The following PRKN variants were observed in gnomAD, a reference collection of about 807,000 sequenced individuals.
PRKN encodes the protein parkin RBR E3 ubiquitin protein ligase.
PRKN carries 56 observed loss-of-function variants against 59.5 expected under a neutral mutation model. That is an observed-to-expected ratio of 0.94 (90% confidence interval 0.76 to 1.18). The LOEUF (loss-of-function observed/expected upper bound fraction) is 1.18. PRKN is among the 50% of genes most tolerant of loss of function. The probability of loss-of-function intolerance (pLI) is 0.00; values close to 1 mark genes in which losing one functional copy is unlikely to be tolerated. For missense variants in PRKN, 657 were observed against 596.4 expected, an observed-to-expected ratio of 1.10 and a Z score of -1.06; for synonymous variants, 250 against 222.1, an observed-to-expected ratio of 1.13 and a Z score of -1.12.
Position 161,417,414 on chromosome 6 carries a change from C to T in PRKN, c.1084-30537G>A, listed in dbSNP as rs1263992901. 6.7e-6 allele frequency among the ~76,000 whole-genome samples: 1 copy of T among 148,258 alleles called. No homozygotes were observed. Among genetic ancestry groups the T allele is most frequent in the Non-Finnish European group, 1.5e-5 (1 of 67,572 alleles). ...GCAGTGAGCAGAGATGGCGTCACTG[C>T]ACTCCAGCCTGGCAACAGAGCCAGA... On this transcript the variant is annotated intron_variant, in intron 9 of 11. Transcript: ENST00000366898. The surrounding 1 kb of genome is among the most constrained non-coding windows in gnomAD (Gnocchi z 5.4).
At chr6:162,296,953 G>C (rs1003260632) in intron 2 of PRKN, among the ~76,000 whole-genome samples, 1 of 151,874 alleles carries the variant, frequency 6.6e-6, no homozygotes, top group African/African-American at 2.4e-5. Flanking sequence ...ACATCTCCAG[G>C]CCTCTCATAT....
intron 6 of PRKN, among the ~76,000 whole-genome samples, chr6:161,969,264 A>C (rs199591871): frequency 7.7e-6 from 1 of 129,384 alleles, no homozygotes; most frequent in Non-Finnish European, 1.7e-5. Context: ...TTTCAGTCTT[A>C]TTTGTTTTTT....
intron 6 of PRKN, among the ~76,000 whole-genome samples, chr6:161,925,155 A>G (rs934802675): frequency 6.6e-6 from 1 of 152,198 alleles, no homozygotes; most frequent in African/African-American, 2.4e-5. Flanking sequence ...TATAAAGATT[A>G]TGCATACAAA....
chr6:161,987,855 A>G lies in PRKN; in HGVS notation c.619-14438T>C, dbSNP rs140600735. 7.2e-3 allele frequency among the ~76,000 whole-genome samples: 1,093 copies of G among 152,284 alleles called. 10 individuals carry two copies. Among genetic ancestry groups the G allele is most frequent in the African/African-American group, 0.023 (975 of 41,552 alleles). On this transcript the variant is annotated intron_variant, in intron 5 of 11. Coordinates refer to ENST00000366898, the MANE Select transcript of PRKN (RefSeq NM_004562.3). The stretch of plus-strand genomic sequence containing the variant: ...TTTATCTCTCCTCTATTTTTTGAGA[A>G]ATGTATGCTGTGTTGGAGAGGCAAA...
chr6:161,975,255 T>A (rs1583428233), intron 5 of PRKN, among the ~76,000 whole-genome samples: 1 of 151,940 alleles, frequency 6.6e-6, no homozygotes, highest in East Asian at 1.9e-4. Flanking sequence ...CTGGCCAATT[T>A]TTCGTATTAG....
Position 162,641,709 on chromosome 6 carries a change from G to A in PRKN, c.7+85953C>T, listed in dbSNP as rs927404482. Among the ~76,000 whole-genome samples the A allele has an allele frequency of 2.5e-4, 38 of 152,216 alleles. 1 individual carries two copies. The highest frequency in any genetic ancestry group is 2.0e-3 in the Admixed American group (30 of 15,286). On this transcript the variant is annotated intron_variant, in intron 1 of 11. Transcript: ENST00000366898. ...AGAATGATCTTTTGTCACTCCATCC[G>A]CCCTCTGTTAACTCTAAGGCCAATT...
At chr6:162,531,902 T>C (rs947344363) in intron 1 of PRKN, among the ~76,000 whole-genome samples, 2 of 145,434 alleles carry the variant, frequency 1.4e-5, no homozygotes, top group African/African-American at 5.2e-5. Context: ...ATTGTGCCAC[T>C]GCACTCCAGT....
In PRKN at chr6:161,386,862, C is replaced by A; in HGVS notation, c.1099G>T (p.Glu367Ter). ...GLGCGFAFCRECKEAYHEGEC... is the reference protein window; with the variant it reads ...GLGCGFAFCR Reference sequence around the variant, plus strand: ...CCTTCATGGTACGCTTCTTTACATTCCCGGCAGAAGGCAAACTGCAAAAGA... The same window carrying A: ...CCTTCATGGTACGCTTCTTTACATTACCGGCAGAAGGCAAACTGCAAAAGA... The change falls in exon 10 of 12, where the codon GAA (glutamate) becomes TAA (stop). Residue 367 changes from glutamate (E) to a stop codon, truncating the protein, a stop_gained. Coordinates refer to ENST00000366898, the MANE Select transcript of PRKN (RefSeq NM_004562.3). LOFTEE classifies it high-confidence loss of function. This position sits in a 1 kb window ranked among gnomAD's most constrained non-coding sequence, Gnocchi z 4.3. 6.2e-7 allele frequency: 1 copy of A among 1,614,068 alleles called. No individual in the cohort carries two copies. Among genetic ancestry groups the A allele is most frequent in the Non-Finnish European group, 8.5e-7 (1 of 1,179,944 alleles).
In PRKN at chr6:161,480,329, G is replaced by A. The variant is rs2115236374; in HGVS notation, c.1083+68525C>T. On this transcript the variant is annotated intron_variant, in intron 9 of 11. Coordinates refer to ENST00000366898, the MANE Select transcript of PRKN (RefSeq NM_004562.3). This position sits in a 1 kb window ranked among gnomAD's most constrained non-coding sequence, Gnocchi z 4.1. ...GAGTATGGGGCCCTGTGAGTATGGG[G>A]CCCTGTGAGTATGGGGCCCTGTGTG... 6.6e-6 allele frequency among the ~76,000 whole-genome samples: 1 copy of A among 152,196 alleles called. No individual in the cohort carries two copies. Among genetic ancestry groups the A allele is most frequent in the South Asian group, 2.1e-4 (1 of 4,816 alleles).
intron 1 of PRKN, among the ~76,000 whole-genome samples, chr6:162,615,498 C>G (rs1489650323): frequency 6.6e-6 from 1 of 151,974 alleles, no homozygotes; most frequent in Non-Finnish European, 1.5e-5. Context: ...GGCAGGCACT[C>G]ACAGATGCAG....
intron 7 of PRKN, among the ~76,000 whole-genome samples, chr6:161,772,565 A>G (rs1789741082): frequency 6.6e-6 from 1 of 152,200 alleles, no homozygotes; most frequent in African/African-American, 2.4e-5. Context: ...GATGGAGGAT[A>G]TTTAACACAG....
chr6:161,582,324 A>G lies in PRKN; in HGVS notation c.872-12908T>C, dbSNP rs950998258. ...TACCTTGAAACAATTTAGAGTCTCT[A>G]AAGTTGAAAGTTCTTCTTTGAAGAT... On this transcript the variant is annotated intron_variant, in intron 7 of 11. Coordinates refer to ENST00000366898, the MANE Select transcript of PRKN (RefSeq NM_004562.3). This position sits in a 1 kb window ranked among gnomAD's most constrained non-coding sequence, Gnocchi z 4.4. Among the ~76,000 whole-genome samples the G allele has an allele frequency of 3.9e-5, 6 of 152,284 alleles. No homozygotes were observed. In the East Asian group the frequency reaches 7.7e-4, roughly 20 times the overall value.
In PRKN at chr6:161,731,828, C is replaced by T. The variant is rs528022388; in HGVS notation, c.871+53944G>A. The stretch of plus-strand genomic sequence containing the variant: ...TAACATGGAAGACAAATTGTGAGCA[C>T]AACTGCATTGTGAATATACACACAC... On this transcript the variant is annotated intron_variant, in intron 7 of 11. Transcript: ENST00000366898. Among the ~76,000 whole-genome samples the T allele has an allele frequency of 2.0e-5, 3 of 152,260 alleles. No homozygotes were observed. The South Asian group carries it at 6.2e-4, about 32-fold the overall frequency.
rs1389895721 is a variant in PRKN at position 162,115,472 on chromosome 6, G to A, written c.535-61298C>T. Among the ~76,000 whole-genome samples the A allele has an allele frequency of 2.7e-5, 4 of 150,366 alleles. No individual in the cohort carries two copies. The Admixed American group carries it at 2.7e-4, about 10-fold the overall frequency. On this transcript the variant is annotated intron_variant, in intron 4 of 11. Transcript: ENST00000366898. ...TAACTAACCTGCACATTGTGCACATGTACCCTAAAACTTAAAGTATAATAA... is the reference window on the plus strand; with the variant it reads ...TAACTAACCTGCACATTGTGCACATATACCCTAAAACTTAAAGTATAATAA...
At chr6:162,222,371 C>A (rs1777973727) in intron 3 of PRKN, among the ~76,000 whole-genome samples, 2 of 152,138 alleles carry the variant, frequency 1.3e-5, no homozygotes, top group African/African-American at 4.8e-5. Flanking sequence ...GAAAAACAGT[C>A]CAGATCTTGT....
At chr6:162,390,839 A>T (rs1335286022) in intron 2 of PRKN, among the ~76,000 whole-genome samples, 1 of 152,190 alleles carries the variant, frequency 6.6e-6, no homozygotes, top group African/African-American at 2.4e-5. Flanking sequence ...AGATGGTACA[A>T]AAAATTAAAG....
At chr6:162,398,741 A>G (rs1360907112) in intron 2 of PRKN, among the ~76,000 whole-genome samples, 1 of 152,198 alleles carries the variant, frequency 6.6e-6, no homozygotes, top group Non-Finnish European at 1.5e-5. Flanking sequence ...TCAGGGAAAC[A>G]AATATGCAAA....
chr6:162,542,713 T>TG (rs1194663654), intron 1 of PRKN, among the ~76,000 whole-genome samples: 1 of 152,146 alleles, frequency 6.6e-6, no homozygotes, highest in Non-Finnish European at 1.5e-5. Context: ...GTGCAATGCA[T>TG]GGGGCATATA....
At chr6:161,911,275 T>C (rs1778351149) in intron 6 of PRKN, among the ~76,000 whole-genome samples, 1 of 152,176 alleles carries the variant, frequency 6.6e-6, no homozygotes, top group Non-Finnish European at 1.5e-5. Flanking sequence ...CTGGCACAAT[T>C]GTCACAGTCG....
Sources: gnomAD v4.1 joint callset for allele counts (sites outside exome capture counted in the v4.1 genomes callset) on GRCh38, gnomAD v4.1.1 for gene constraint, Gnocchi (gnomAD v3.1) non-coding constraint, MANE v1.5 for transcripts, NCBI Gene and HGNC (gene_info 2026-07-23, HGNC 2026-07-21) for gene names.